Variants in TBC1D17 observed in about 807,000 individuals in gnomAD.
TBC1D17 encodes the protein TBC1 domain family, member 17.
In TBC1D17, 69 loss-of-function variants were observed where a neutral mutation model predicts 78.8. The ratio of observed to expected loss-of-function variants is 0.88; its 90% CI spans 0.72 to 1.07. The LOEUF (loss-of-function observed/expected upper bound fraction) is 1.07. TBC1D17 is among the 50% of genes least tolerant of loss of function. The pLI, the probability that TBC1D17 is intolerant of heterozygous loss-of-function variation, is 0.00. For missense variants in TBC1D17, 957 were observed against 861.0 expected (o/e 1.11, Z -1.39); for synonymous variants, 456 against 358.3 (o/e 1.27, Z -3.08).
chr19:49,879,607 T>G (rs531820170), intron 3 of TBC1D17: 49 of 149,032 alleles, frequency 3.3e-4, no homozygotes, highest in African/African-American at 1.2e-3. Context: ...GTTATTGTTT[T>G]TTTTTTTTTT....
chr19:49,883,047 G>A lies in TBC1D17; in HGVS notation c.1002G>A (p.Glu334=). Residue 334 remains glutamate (E), a synonymous_variant, in exon 9 of 17, where the codon GAG becomes GAA. Coordinates refer to ENST00000221543, the MANE Select transcript of TBC1D17 (RefSeq NM_024682.3). ...LGYLSWEGTA[E]EHKAHIRKKT... is the part of the protein sequence containing the mutation. ...ACCTCAGCTGGGAAGGCACAGCTGA[G>A]GAGCACAAGGCCCACATACGCAAGA... The A allele has an allele frequency of 6.2e-7, 1 of 1,610,926 alleles. No homozygotes were observed. Among genetic ancestry groups the A allele is most frequent in the South Asian group, 1.1e-5 (1 of 90,996 alleles).
At chr19:49,882,004 C>T (rs758979436) in intron 5 of TBC1D17, 37 bp from the exon 6 acceptor site, 1 of 1,557,874 alleles carries the variant, frequency 6.4e-7, no homozygotes, top group Non-Finnish European at 8.8e-7. Context: ...TGGGCCCCTA[C>T]CTGTGCATCA....
At chr19:49,878,641 G>C in intron 3 of TBC1D17, 69 bp downstream of exon 3, 6 of 1,477,256 alleles carry the variant, frequency 4.1e-6, no homozygotes, top group Non-Finnish European at 5.7e-6. Context: ...TAAGTCATTT[G>C]AGGGACCTGC....
intron 7 of TBC1D17, 99 bp from the exon 8 acceptor site, chr19:49,882,664 TC>T (rs1270981677): frequency 7.0e-7 from 1 of 1,433,998 alleles, no homozygotes; most frequent in Non-Finnish European, 9.1e-7. Context: ...ATGTTAGTCA[TC>T]CGTCAAGCTA....
At chr19:49,883,993 T>C (rs2075037715) in intron 10 of TBC1D17, among the ~76,000 whole-genome samples, 1 of 152,176 alleles carries the variant, frequency 6.6e-6, no homozygotes, top group Non-Finnish European at 1.5e-5. Context: ...TGCCTGGTGA[T>C]CTTGGCAAGT....
At chr19:49,882,948 G>A (rs1213013169) in intron 8 of TBC1D17, 25 bp from the exon 9 acceptor site, 1 of 1,600,110 alleles carries the variant, frequency 6.2e-7, no homozygotes, top group Non-Finnish European at 8.5e-7. Flanking sequence ...GCCCCACTGA[G>A]CTGCCTGCCC....
At position 49,884,311 on chromosome 19, in the gene TBC1D17, G is replaced by A. The variant is rs368786799; in HGVS notation, c.1185G>A (p.Pro395=). 2.0e-5 allele frequency: 32 copies of A among 1,613,934 alleles called. No individual in the cohort carries two copies. The East Asian group carries it at 3.3e-4, about 17-fold the overall frequency. The part of the protein sequence containing the change: ...TNKFYEGPEN[P]GLGLLNDILL... ...AGTTCTACGAGGGTCCCGAGAACCC[G>A]GGGCTGGGCCTGCTGAACGATATCC... The change falls in exon 11 of 17, where the codon CCG becomes CCA. Residue 395 remains proline, a synonymous_variant. Transcript: ENST00000221543.
intron 9 of TBC1D17, 100 bp from the exon 10 acceptor site, chr19:49,883,551 G>A: frequency 1.1e-6 from 1 of 948,956 alleles, no homozygotes; most frequent in Non-Finnish European, 1.7e-6. Flanking sequence ...GGTCAGGGAG[G>A]GGCTCTGCAG....
intron 7 of TBC1D17, 42 bp downstream of exon 7, chr19:49,882,442 C>T (rs1158327812): frequency 3.8e-6 from 6 of 1,574,048 alleles, no homozygotes; most frequent in South Asian, 2.2e-5. Flanking sequence ...CTGGCCGTGT[C>T]TCCCTGGGCG....
intron 13 of TBC1D17, chr19:49,885,468 A>AT (rs1568677562): frequency 6.7e-5 from 10 of 148,614 alleles, no homozygotes; most frequent in African/African-American, 2.2e-4. Context: ...AAAAAAAAAA[A>AT]AATATATTCT....
In TBC1D17 at chr19:49,877,708, G is replaced by A; in HGVS notation, c.-16G>A. The A allele has an allele frequency of 6.2e-6, 10 of 1,600,060 alleles. No individual in the cohort carries two copies. The highest frequency in any genetic ancestry group is 6.8e-6 in the Non-Finnish European group (8 of 1,174,054). On this transcript the variant is annotated 5_prime_UTR_variant, in exon 1 of 17. Coordinates refer to ENST00000221543, the MANE Select transcript of TBC1D17 (RefSeq NM_024682.3). ...GAAAAGGAGGAGGCGGGGCAGTGGG[G>A]CCTTCGGCGGCGACTATGGAAGGAG...
chr19:49,884,343 C>T lies in TBC1D17; in HGVS notation c.1217C>T (p.Thr406Ile), dbSNP rs2075040946. 3 of 1,614,030 alleles carry T rather than the reference C, an allele frequency of 1.9e-6. No homozygotes were observed. In the African/African-American group the frequency reaches 4.0e-5, roughly 22 times the overall value. The change falls in exon 11 of 17, where the codon ACC (threonine) becomes ATC (isoleucine). Residue 406 changes from threonine (T) to isoleucine (I), a missense_variant. Thr to Ile is a moderately conservative substitution (Grantham distance 89). Transcript: ENST00000221543. ...GLGLLNDILL[T>I]YCMYHFDLGY... ...GGCCTGCTGAACGATATCCTCCTCA[C>T]CTACTGCATGTATCACTTCGACCTC...
At chr19:49,887,607 G>T (rs770886226) in intron 14 of TBC1D17, 34 bp downstream of exon 14, 1 of 1,612,706 alleles carries the variant, frequency 6.2e-7, no homozygotes, top group Admixed American at 1.7e-5. Context: ...AGGCCTGAAG[G>T]GGTGGGCTCA....
intron 3 of TBC1D17, among the ~76,000 whole-genome samples, chr19:49,879,783 G>T (rs2074994957): frequency 6.6e-6 from 1 of 151,626 alleles, no homozygotes; most frequent in South Asian, 2.1e-4. Flanking sequence ...GAGACATGGG[G>T]TCAAGTCCTG....
At chr19:49,878,661 C>G in intron 3 of TBC1D17, 89 bp downstream of exon 3, 1 of 1,270,124 alleles carries the variant, frequency 7.9e-7, no homozygotes, top group South Asian at 1.2e-5. Flanking sequence ...CGTACAATCC[C>G]AGACCTACTC....
At chr19:49,887,218 G>A (rs2075065692) in intron 13 of TBC1D17, 1 of 485,010 alleles carries the variant, frequency 2.1e-6, no homozygotes, top group Non-Finnish European at 3.8e-6. Flanking sequence ...GGTCTGTTTC[G>A]TCGGGCGTGC....
intron 3 of TBC1D17, among the ~76,000 whole-genome samples, chr19:49,879,849 CTTTTTTT>C (rs35413614): frequency 3.3e-5 from 4 of 119,428 alleles, no homozygotes; most frequent in East Asian, 2.2e-4. Context: ...TTTCTTTTTT[CTTTTTTT>C]TTTTTTTTTT....
Position 49,887,717 on chromosome 19 carries a change from G to T in TBC1D17, c.1543-1G>T, listed in dbSNP as rs2075071073. On this transcript the variant is annotated splice_acceptor_variant, in intron 14 of 16. Coordinates refer to ENST00000221543, the MANE Select transcript of TBC1D17 (RefSeq NM_024682.3). LOFTEE classifies it high-confidence loss of function. Reference sequence around the variant, plus strand: ...TCCCTCCCTCTGTCCCGCACCCTCAGGTGCTGTGGACAGGGCTCCCTGGCC... The same window carrying T: ...TCCCTCCCTCTGTCCCGCACCCTCATGTGCTGTGGACAGGGCTCCCTGGCC... 1.9e-6 allele frequency: 3 copies of T among 1,613,708 alleles called. No individual in the cohort carries two copies. Among genetic ancestry groups the T allele is most frequent in the South Asian group, 1.1e-5 (1 of 91,062 alleles).
At chr19:49,880,494 C>T (rs2075003849) in intron 4 of TBC1D17, 92 bp downstream of exon 4, 1 of 1,495,800 alleles carries the variant, frequency 6.7e-7, no homozygotes, top group South Asian at 1.3e-5. Context: ...GCTTTGCTGC[C>T]CACAATCAAG....
Sources: gnomAD v4.1 joint callset for allele counts (sites outside exome capture counted in the v4.1 genomes callset) on GRCh38, gnomAD v4.1.1 for gene constraint, MANE v1.5 for transcripts, NCBI Gene and HGNC (gene_info 2026-07-23, HGNC 2026-07-21) for gene names.